Variants in RORA observed in about 807,000 individuals in gnomAD.
RORA encodes the protein nuclear receptor ROR-alpha.
In RORA, 7 loss-of-function variants were observed where a neutral mutation model predicts 69.5. That is an observed-to-expected ratio of 0.10 (90% CI 0.06 to 0.19). RORA has a LOEUF of 0.19. Among genes scored for constraint, RORA ranks in the 10% least tolerant of loss-of-function variants. The probability of loss-of-function intolerance (pLI) is 1.00; values close to 1 mark genes in which losing one functional copy is unlikely to be tolerated. For missense variants in RORA, 457 were observed against 663.0 expected, an observed-to-expected ratio of 0.69 and a Z score of 3.41; for synonymous variants, 261 against 240.8, an observed-to-expected ratio of 1.08 and a Z score of -0.78.
At chr15:60,582,761 T>C (rs1256485073) in intron 2 of RORA, among the ~76,000 whole-genome samples, 1 of 152,220 alleles carries the variant, frequency 6.6e-6, no homozygotes, top group African/African-American at 2.4e-5. Flanking sequence ...AAAAACTCTT[T>C]AGATAGATTA....
At position 60,760,023 on chromosome 15, in the gene RORA, C is replaced by CT. The variant is rs557147575; in HGVS notation, c.167-81338dup. 6.7e-3 allele frequency among the ~76,000 whole-genome samples: 1,019 copies of CT among 151,822 alleles called. 10 individuals carry two copies. The highest frequency in any genetic ancestry group is 0.022 in the East Asian group (113 of 5,160). On this transcript the variant is annotated intron_variant, in intron 1 of 10. Coordinates refer to ENST00000335670, the MANE Select transcript of RORA (RefSeq NM_134261.3). ...AGCATAACCTTGAAGTATATGTGGG[C>CT]TTTTTTTAATAGTTTTAAATTTGAA...
intron 1 of RORA, among the ~76,000 whole-genome samples, chr15:61,196,564 C>T (rs774362978): frequency 2.6e-5 from 4 of 152,346 alleles, no homozygotes; most frequent in Admixed American, 6.5e-5. Flanking sequence ...ATGAGGCTAA[C>T]GCACACGCTT....
intron 1 of RORA, among the ~76,000 whole-genome samples, chr15:61,083,974 T>C (rs536890648): frequency 6.6e-6 from 1 of 152,132 alleles, no homozygotes; most frequent in Non-Finnish European, 1.5e-5. Context: ...CCCTTTAGGG[T>C]TGAACCAACA....
chr15:60,859,642 TC>T (rs1567216567), intron 1 of RORA, among the ~76,000 whole-genome samples: 3 of 84,922 alleles, frequency 3.5e-5, no homozygotes, highest in Non-Finnish European at 7.6e-5. Context: ...TTTCTTTCTT[TC>T]TTTCTTTCTT....
chr15:61,094,194 C>G (rs189902685), intron 1 of RORA, among the ~76,000 whole-genome samples: 1 of 152,144 alleles, frequency 6.6e-6, no homozygotes, highest in Non-Finnish European at 1.5e-5. Context: ...TGTGAGTGAA[C>G]AAAAATAATG....
At chr15:60,520,797 A>G (rs1282839696) in intron 3 of RORA, among the ~76,000 whole-genome samples, 4 of 152,200 alleles carry the variant, frequency 2.6e-5, no homozygotes, top group Admixed American at 2.0e-4. Flanking sequence ...TGTTATTTCT[A>G]AAAGATAAGC....
chr15:60,821,099 C>A (rs528536625), intron 1 of RORA, among the ~76,000 whole-genome samples: 1 of 152,154 alleles, frequency 6.6e-6, no homozygotes, highest in Non-Finnish European at 1.5e-5. Context: ...GCTGTAGGGC[C>A]TAGGACCTTG....
chr15:61,168,027 A>C (rs1389103054), intron 1 of RORA, among the ~76,000 whole-genome samples: 1 of 152,118 alleles, frequency 6.6e-6, no homozygotes, highest in Non-Finnish European at 1.5e-5. Context: ...AAACTCCACC[A>C]AACAGTTGTA....
rs1032900720 is a variant in RORA, at chr15:61,147,868, A to G, written c.166+81185T>C. 4.6e-5 allele frequency among the ~76,000 whole-genome samples: 7 copies of G among 152,058 alleles called. No individual in the cohort carries two copies. Among genetic ancestry groups the G allele is most frequent in the Non-Finnish European group, 1.0e-4 (7 of 68,008 alleles). ...CTGTTCACTGTGTATCATGCAGAGGAAACAGGCAGAAACTTGGCAGGGCAG... is the reference window on the plus strand; with the variant it reads ...CTGTTCACTGTGTATCATGCAGAGGGAACAGGCAGAAACTTGGCAGGGCAG... On this transcript the variant is annotated intron_variant, in intron 1 of 10. Coordinates refer to ENST00000335670, the MANE Select transcript of RORA (RefSeq NM_134261.3). The surrounding 1 kb of genome is among the most constrained non-coding windows in gnomAD (Gnocchi z 4.1).
At chr15:61,195,112 T>C (rs2079835540) in intron 1 of RORA, among the ~76,000 whole-genome samples, 1 of 152,114 alleles carries the variant, frequency 6.6e-6, no homozygotes, top group Admixed American at 6.6e-5. Flanking sequence ...ATTTACCTTA[T>C]CCCAAAATAG....
intron 1 of RORA, among the ~76,000 whole-genome samples, chr15:61,105,554 G>C (rs1595992455): frequency 6.6e-6 from 1 of 152,058 alleles, no homozygotes; most frequent in African/African-American, 2.4e-5. Flanking sequence ...TTCTGCCAAG[G>C]TCATTGGTTG....
At chr15:61,151,882 T>C (rs1447864386) in intron 1 of RORA, among the ~76,000 whole-genome samples, 1 of 152,190 alleles carries the variant, frequency 6.6e-6, no homozygotes, top group Non-Finnish European at 1.5e-5. Context: ...GCCCTCCCTC[T>C]AGTTCCTGCA....
chr15:60,561,673 T>C (rs955750977), intron 2 of RORA, among the ~76,000 whole-genome samples: 3 of 152,026 alleles, frequency 2.0e-5, no homozygotes, highest in Non-Finnish European at 4.4e-5. Context: ...TCAAGAACTA[T>C]AGAAGGAAAG....
intron 2 of RORA, among the ~76,000 whole-genome samples, chr15:60,599,448 G>A (rs1317253153): frequency 6.6e-6 from 1 of 152,220 alleles, no homozygotes; most frequent in African/African-American, 2.4e-5. Context: ...CTACTTGGGA[G>A]GCTGAGGCAG....
intron 1 of RORA, among the ~76,000 whole-genome samples, chr15:61,110,594 T>C (rs1391782901): frequency 6.6e-6 from 1 of 152,094 alleles, no homozygotes; most frequent in Non-Finnish European, 1.5e-5. Context: ...AAGGAGGCAT[T>C]GCTGTTATAG....
chr15:60,866,485 C>T (rs978103525), intron 1 of RORA, among the ~76,000 whole-genome samples: 4 of 152,178 alleles, frequency 2.6e-5, no homozygotes, highest in African/African-American at 9.7e-5. Context: ...TCATAACATA[C>T]CCTTTTCAAT....
chr15:60,648,161 G>A (rs1433358448), intron 2 of RORA, among the ~76,000 whole-genome samples: 1 of 152,228 alleles, frequency 6.6e-6, no homozygotes, highest in Non-Finnish European at 1.5e-5. Flanking sequence ...GCACGTAGGT[G>A]CCTTCCAAAT....
chr15:60,817,718 G>T (rs1349000325), intron 1 of RORA, among the ~76,000 whole-genome samples: 1 of 152,160 alleles, frequency 6.6e-6, no homozygotes, highest in Admixed American at 6.5e-5. Flanking sequence ...TGTGTGGGCT[G>T]AGGCCCCTCT....
At chr15:60,679,060 G>T (rs1344321632) in intron 1 of RORA, among the ~76,000 whole-genome samples, 1 of 152,182 alleles carries the variant, frequency 6.6e-6, no homozygotes, top group East Asian at 1.9e-4. Context: ...AGCCTACTCA[G>T]ACCAGGGTAA....
Sources: allele counts gnomAD v4.1 joint callset (sites outside exome capture counted in the v4.1 genomes callset), GRCh38; gene constraint gnomAD v4.1.1; non-coding constraint Gnocchi (gnomAD v3.1); transcripts MANE v1.5; gene names NCBI Gene and HGNC (gene_info 2026-07-23, HGNC 2026-07-21).